DSCAM: variants seen among roughly 807,000 people sequenced by gnomAD.
The protein encoded by DSCAM is DS cell adhesion molecule.
Under a neutral mutation model 217.7 loss-of-function variants are expected in DSCAM, and 47 were observed. The ratio of observed to expected loss-of-function variants is 0.22; its 90% CI spans 0.17 to 0.28. The LOEUF is 0.28. Ranked by LOEUF, DSCAM falls within the 10% of genes least tolerant of loss-of-function variation. The probability of loss-of-function intolerance (pLI) is 1.00; values close to 1 mark genes in which losing one functional copy is unlikely to be tolerated. For missense variants in DSCAM, 2,080 were observed against 2,618.3 expected (o/e 0.79, Z 4.49); for synonymous variants, 1,056 against 1,015.3 (o/e 1.04, Z -0.76).
intron 3 of DSCAM, among the ~76,000 whole-genome samples, chr21:40,639,030 T>C (rs940738538): frequency 7.9e-5 from 12 of 152,086 alleles, no homozygotes; most frequent in Admixed American, 7.9e-4. Context: ...GGGATTCCCA[T>C]GTTTGCTCAT....
At chr21:40,330,013 G>A (rs2074359269) in intron 8 of DSCAM, among the ~76,000 whole-genome samples, 1 of 151,886 alleles carries the variant, frequency 6.6e-6, no homozygotes, top group African/African-American at 2.4e-5. Flanking sequence ...TACAGTGAAT[G>A]TAAAGTGTTC....
chr21:40,639,954 T>C (rs2089857433), intron 3 of DSCAM, among the ~76,000 whole-genome samples: 1 of 152,206 alleles, frequency 6.6e-6, no homozygotes, highest in Non-Finnish European at 1.5e-5. Flanking sequence ...TATCGATTCA[T>C]GGAAGTGCCA....
intron 3 of DSCAM, among the ~76,000 whole-genome samples, chr21:40,686,766 C>T (rs987484801): frequency 2.0e-5 from 3 of 152,052 alleles, no homozygotes; most frequent in East Asian, 1.9e-4. Context: ...AGGCTGTGCC[C>T]CTCGCCTTAC....
chr21:40,196,359 C>G (rs981858941), intron 11 of DSCAM, among the ~76,000 whole-genome samples: 2 of 152,168 alleles, frequency 1.3e-5, no homozygotes, highest in African/African-American at 4.8e-5. Context: ...ATCACGGGCT[C>G]TCAACCTGGC....
chr21:40,625,881 C>T (rs561400396), intron 3 of DSCAM, among the ~76,000 whole-genome samples: 2 of 152,284 alleles, frequency 1.3e-5, no homozygotes, highest in Non-Finnish European at 2.9e-5. Context: ...CTCACCTCTT[C>T]CTCCTCTCGG....
chr21:40,078,864 C>T lies in DSCAM; in HGVS notation c.4534G>A (p.Glu1512Lys), dbSNP rs767997820. Residue 1512 changes from glutamate to lysine, a missense_variant, in exon 26 of 33, where the codon GAG (glutamate) becomes AAG (lysine). Physicochemically the swap from Glu to Lys is moderately conservative, Grantham distance 56. Transcript: ENST00000400454. ...ACTGTGGTCCCAAAGGGCCTGTACT[C>T]TAGTGTGAAGGAGGTGATGGGGCAG... ...GGCPITSFTLEYRPFGTTVWT... is the reference protein window; with the variant it reads ...GGCPITSFTLKYRPFGTTVWT... The T allele has an allele frequency of 3.7e-6, 6 of 1,614,094 alleles. No homozygotes were observed. In the East Asian group the frequency reaches 1.1e-4, roughly 30 times the overall value.
At chr21:40,228,651 T>C (rs1387766507) in intron 11 of DSCAM, among the ~76,000 whole-genome samples, 3 of 151,562 alleles carry the variant, frequency 2.0e-5, no homozygotes, top group African/African-American at 7.3e-5. Context: ...TTCTTTTTTT[T>C]TTTTTTCTTG....
chr21:40,621,345 C>T (rs938596892), intron 3 of DSCAM: 1 of 152,178 alleles, frequency 6.6e-6, no homozygotes, highest in Non-Finnish European at 1.5e-5. Flanking sequence ...GTGAACTCCT[C>T]TCCACATTGT....
chr21:40,035,289 A>G (rs2088597869), intron 32 of DSCAM, among the ~76,000 whole-genome samples: 1 of 99,586 alleles, frequency 1.0e-5, no homozygotes, highest in South Asian at 4.4e-4. Context: ...GCAGAGACAC[A>G]CATAGGCTCA....
rs551928353 is a variant in DSCAM at position 40,476,550 on chromosome 21, T to C, written c.509-107305A>G. Reference sequence around the variant, plus strand: ...AAAATAGAGTTTGCTCACAACCTTATCAGCTAAAATGTTTGTGGTCTTAAC... The same window carrying C: ...AAAATAGAGTTTGCTCACAACCTTACCAGCTAAAATGTTTGTGGTCTTAAC... On this transcript the variant is annotated intron_variant, in intron 3 of 32. Coordinates refer to ENST00000400454, the MANE Select transcript of DSCAM (RefSeq NM_001389.5). 2.0e-5 allele frequency among the ~76,000 whole-genome samples: 3 copies of C among 152,342 alleles called. No individual in the cohort carries two copies. The South Asian group carries it at 6.2e-4, about 32-fold the overall frequency.
At chr21:40,099,367 A>G (rs1443598759) in intron 20 of DSCAM, among the ~76,000 whole-genome samples, 1 of 152,250 alleles carries the variant, frequency 6.6e-6, no homozygotes, top group East Asian at 1.9e-4. Flanking sequence ...GTATATTCAT[A>G]GAAACTTCCT....
At chr21:40,175,105 T>C (rs1487174421) in intron 15 of DSCAM, among the ~76,000 whole-genome samples, 1 of 152,196 alleles carries the variant, frequency 6.6e-6, no homozygotes, top group African/African-American at 2.4e-5. Context: ...CACAGAAGTT[T>C]ATTTATTTCT....
At chr21:40,212,286 A>G (rs553682494) in intron 11 of DSCAM, 1 of 154,306 alleles carries the variant, frequency 6.5e-6, no homozygotes, top group South Asian at 2.0e-4. Context: ...AACTTTTTTT[A>G]TTGCAAAGAA....
At chr21:40,320,150 CTATG>C (rs559875707) in intron 8 of DSCAM, among the ~76,000 whole-genome samples, 90 of 152,260 alleles carry the variant, frequency 5.9e-4, no homozygotes, top group African/African-American at 2.0e-3. Context: ...ACACATTTAC[CTATG>C]TGACAAACTT....
chr21:40,165,645 T>C (rs189348846), intron 16 of DSCAM, among the ~76,000 whole-genome samples: 1 of 152,330 alleles, frequency 6.6e-6, no homozygotes, highest in East Asian at 1.9e-4. Context: ...GAAGTTTCCA[T>C]TTTTAGTTAT....
chr21:40,660,720 G>A (rs923299802), intron 3 of DSCAM, among the ~76,000 whole-genome samples: 6 of 152,154 alleles, frequency 3.9e-5, no homozygotes, highest in African/African-American at 1.4e-4. Flanking sequence ...TACAGCCCCT[G>A]AGGCTTGCCT....
At chr21:40,780,411 G>GTATATA (rs749398798) in intron 1 of DSCAM, among the ~76,000 whole-genome samples, 1,900 of 87,678 alleles carry the variant, frequency 0.022, 43 homozygotes, top group Non-Finnish European at 0.035. Flanking sequence ...GTGTGTGTGT[G>GTATATA]TGTGTGTGTG....
At position 40,142,583 on chromosome 21, in the gene DSCAM, A is replaced by G. The variant is rs1268573178; in HGVS notation, c.3381T>C (p.Ile1127=). ...CTCCGTCCATGAGGTTGGCCCAGTA[A>G]ATGACTCTGAACCCCTGGAGAATTC... is the stretch of plus-strand genomic sequence containing the variant. ...LNGILQGFRV[I]YWANLMDGEL... Residue 1127 remains isoleucine, a synonymous_variant, in exon 18 of 33, where the codon ATT becomes ATC. Coordinates refer to ENST00000400454, the MANE Select transcript of DSCAM (RefSeq NM_001389.5). 1 of 1,614,148 alleles carries G rather than the reference A, an allele frequency of 6.2e-7. No homozygotes were observed.
At position 40,347,797 on chromosome 21, in the gene DSCAM, C is replaced by T; in HGVS notation, c.1083G>A (p.Arg361=). Residue 361 remains arginine, a synonymous_variant, in exon 6 of 33, where the codon AGG becomes AGA. Coordinates refer to ENST00000400454, the MANE Select transcript of DSCAM (RefSeq NM_001389.5). ...GGTTTTCGTGGTTGATCCCTGTGAT[C>T]CTCACATTTTTTCCAGGGTTGAGGA... ...GEILNPGKNV[R]ITGINHENLI... 1 of 1,614,146 alleles carries T rather than the reference C, an allele frequency of 6.2e-7. No homozygotes were observed. The highest frequency in any genetic ancestry group is 1.7e-5 in the Admixed American group (1 of 60,028).
Sources: allele counts gnomAD v4.1 joint callset (sites outside exome capture counted in the v4.1 genomes callset), GRCh38; gene constraint gnomAD v4.1.1; transcripts MANE v1.5; gene names NCBI Gene and HGNC (gene_info 2026-07-23, HGNC 2026-07-21).